The following XPR1 variants were observed in gnomAD, a reference collection of about 807,000 sequenced individuals.
The protein encoded by XPR1 is solute carrier family 53 member 1.
In XPR1, 28 loss-of-function variants were observed where a neutral mutation model predicts 87.5. The observed-to-expected ratio is 0.32, with a 90% CI of 0.24 to 0.44. The LOEUF (loss-of-function observed/expected upper bound fraction) is 0.44. XPR1 is among the 20% of genes least tolerant of loss of function. The pLI is 1.00. For missense variants in XPR1, 559 were observed against 862.3 expected (o/e 0.65, Z 4.41); for synonymous variants, 300 against 306.1 (o/e 0.98, Z 0.21).
chr1:180,878,619 G>C lies in XPR1; in HGVS notation c.1809-1457G>C, dbSNP rs1652738131. On this transcript the variant is annotated intron_variant, in intron 13 of 14. Coordinates refer to ENST00000367590, the MANE Select transcript of XPR1 (RefSeq NM_004736.4). ...AGCATAGGTTAAGTAACTCATCCAA[G>C]GTCATTACAGCTAGCAAGTGGTAGA... 3.9e-5 allele frequency among the ~76,000 whole-genome samples: 6 copies of C among 152,138 alleles called. No homozygotes were observed. The South Asian group carries it at 1.2e-3, about 32-fold the overall frequency.
At chr1:180,634,583 GT>G in intron 1 of XPR1, among the ~76,000 whole-genome samples, 1 of 152,226 alleles carries the variant, frequency 6.6e-6, no homozygotes, top group Admixed American at 6.5e-5. Flanking sequence ...TTAAATTGTA[GT>G]TTCTCATATG....
intron 2 of XPR1, among the ~76,000 whole-genome samples, chr1:180,782,954 A>G (rs1648997927): frequency 6.6e-6 from 1 of 151,960 alleles, no homozygotes. Context: ...TTGAATGCTG[A>G]AATTCTCTGA....
At chr1:180,707,875 G>A (rs930776798) in intron 2 of XPR1, among the ~76,000 whole-genome samples, 1 of 152,076 alleles carries the variant, frequency 6.6e-6, no homozygotes, top group African/African-American at 2.4e-5. Flanking sequence ...TTTTCTCATT[G>A]TTTCTTTTTG....
chr1:180,875,315 G>A (rs1243876172), intron 13 of XPR1, among the ~76,000 whole-genome samples: 1 of 151,966 alleles, frequency 6.6e-6, no homozygotes, highest in East Asian at 1.9e-4. Context: ...TTTGACACTG[G>A]CCTGGGCAAC....
chr1:180,713,411 T>C (rs1657877141), intron 2 of XPR1, among the ~76,000 whole-genome samples: 1 of 152,218 alleles, frequency 6.6e-6, no homozygotes, highest in Admixed American at 6.5e-5. Context: ...AGATTTTCTA[T>C]ATAGACCAAG....
chr1:180,704,782 C>A (rs371329378), intron 2 of XPR1, among the ~76,000 whole-genome samples: 201 of 144,746 alleles, frequency 1.4e-3, no homozygotes, highest in Non-Finnish European at 2.4e-3. Context: ...CCTGGGACCT[C>A]CAATCAGCCA....
chr1:180,833,049 G>T (rs1016087985), intron 9 of XPR1, among the ~76,000 whole-genome samples: 1 of 152,134 alleles, frequency 6.6e-6, no homozygotes, highest in Non-Finnish European at 1.5e-5. Context: ...GCAGTGGTTC[G>T]TAGTTCTCTT....
intron 2 of XPR1, among the ~76,000 whole-genome samples, chr1:180,726,356 C>T (rs1269052639): frequency 1.3e-5 from 2 of 152,196 alleles, no homozygotes; most frequent in African/African-American, 4.8e-5. Context: ...TTTGTTCTTT[C>T]TCTCTTCACA....
chr1:180,836,423 TGC>T, intron 10 of XPR1, 97 bp from the exon 11 acceptor site: 5 of 1,273,262 alleles, frequency 3.9e-6, no homozygotes, highest in African/African-American at 3.0e-5. Context: ...GAAGGTTTTT[TGC>T]TTTTTTAGAC....
At chr1:180,799,104 A>C (rs982866755) in intron 3 of XPR1, among the ~76,000 whole-genome samples, 1 of 152,132 alleles carries the variant, frequency 6.6e-6, no homozygotes, top group African/African-American at 2.4e-5. Context: ...TCATTAGTAC[A>C]AAGAACCCAA....
chr1:180,665,342 A>C (rs1486005442), intron 1 of XPR1, among the ~76,000 whole-genome samples: 1 of 152,148 alleles, frequency 6.6e-6, no homozygotes, highest in East Asian at 1.9e-4. Flanking sequence ...TGGGAATTTC[A>C]ATTCAAGATG....
intron 2 of XPR1, among the ~76,000 whole-genome samples, chr1:180,764,214 G>A (rs1648178512): frequency 1.3e-5 from 2 of 152,120 alleles, no homozygotes; most frequent in Non-Finnish European, 2.9e-5. Context: ...GCTGTTTAAT[G>A]CGCAAAATTA....
intron 1 of XPR1, among the ~76,000 whole-genome samples, chr1:180,657,920 A>G (rs981520943): frequency 6.6e-6 from 1 of 152,206 alleles, no homozygotes; most frequent in African/African-American, 2.4e-5. Context: ...ATCCATGAAC[A>G]TGGAATATCT....
At chr1:180,803,227 G>A (rs968342949) in intron 3 of XPR1, among the ~76,000 whole-genome samples, 161 bp from the exon 4 acceptor site, 15 of 152,106 alleles carry the variant, frequency 9.9e-5, no homozygotes, top group African/African-American at 3.1e-4. Flanking sequence ...TGAAAGGAGA[G>A]TGTTACACAA....
chr1:180,836,565 T>C lies in XPR1; in HGVS notation c.1350T>C (p.Ile450=), dbSNP rs148206240. 3 of 1,614,088 alleles carry C rather than the reference T, an allele frequency of 1.9e-6. No homozygotes were observed. Among genetic ancestry groups the C allele is most frequent in the African/African-American group, 2.7e-5 (2 of 74,934 alleles). Residue 450 remains isoleucine (I), a synonymous_variant, in exon 11 of 15, where the codon ATT becomes ATC. Coordinates refer to ENST00000367590, the MANE Select transcript of XPR1 (RefSeq NM_004736.4). ...CHKYTYGVRA[I]VQCIPAWLRF... ...AATATACATATGGTGTGCGGGCCATTGTTCAGTGCATTCCTGCTTGGCTTC... is the reference window on the plus strand; with the variant it reads ...AATATACATATGGTGTGCGGGCCATCGTTCAGTGCATTCCTGCTTGGCTTC...
At chr1:180,875,370 A>G (rs1381300034) in intron 13 of XPR1, among the ~76,000 whole-genome samples, 2 of 151,956 alleles carry the variant, frequency 1.3e-5, no homozygotes, top group Admixed American at 1.3e-4. Context: ...TTAGCTGGGC[A>G]TGGTGGTGCG....
chr1:180,866,602 CTAA>C (rs1242891807), intron 12 of XPR1, among the ~76,000 whole-genome samples: 1 of 152,054 alleles, frequency 6.6e-6, no homozygotes, highest in African/African-American at 2.4e-5. Flanking sequence ...TCAGTTAAGC[CTAA>C]TAATAAAGTG....
At chr1:180,813,047 C>T (rs544840745) in intron 7 of XPR1, among the ~76,000 whole-genome samples, 1 of 146,024 alleles carries the variant, frequency 6.8e-6, no homozygotes, top group African/African-American at 2.5e-5. Context: ...TTTTCCCCCC[C>T]CCCAATGGAA....
chr1:180,749,834 G>A (rs1230092325), intron 2 of XPR1, among the ~76,000 whole-genome samples: 1 of 152,126 alleles, frequency 6.6e-6, no homozygotes, highest in Non-Finnish European at 1.5e-5. Flanking sequence ...TGAAAGAAGA[G>A]CAACCTTTAA....
Sources: allele counts gnomAD v4.1 joint callset (sites outside exome capture counted in the v4.1 genomes callset), GRCh38; gene constraint gnomAD v4.1.1; transcripts MANE v1.5; gene names NCBI Gene and HGNC (gene_info 2026-07-23, HGNC 2026-07-21).